BDKRB2: variants seen among roughly 807,000 people sequenced by gnomAD.
BDKRB2 encodes B2 bradykinin receptor.
In BDKRB2, 6 loss-of-function variants were observed where a neutral mutation model predicts 4.0. The ratio of observed to expected loss-of-function variants is 1.49; its 90% CI spans 0.81 to 2.93. BDKRB2 has a LOEUF of 2.93. Ranked by LOEUF, BDKRB2 falls within the 30% of genes most tolerant of loss-of-function variation. BDKRB2 has a pLI of 0.00. For missense variants in BDKRB2, 478 were observed against 520.1 expected, an observed-to-expected ratio of 0.92 and a Z score of 0.79; for synonymous variants, 225 against 215.3, an observed-to-expected ratio of 1.05 and a Z score of -0.40.
At chr14:96,226,850 T>C (rs1288636165) in intron 1 of BDKRB2, among the ~76,000 whole-genome samples, 1 of 152,216 alleles carries the variant, frequency 6.6e-6, no homozygotes, top group East Asian at 1.9e-4. Flanking sequence ...TCTGTAAGGT[T>C]AATTTGGCAA....
At position 96,240,471 on chromosome 14, in the gene BDKRB2, C is replaced by T. The variant is rs138633013; in HGVS notation, c.143C>T (p.Pro48Leu). The change falls in exon 3 of 3, where the codon CCC (proline) becomes CTC (leucine). Residue 48 changes from proline (P) to leucine (L), a missense_variant. Coordinates refer to ENST00000554311, the MANE Select transcript of BDKRB2 (RefSeq NM_001379692.1). ...GGGACCTTTGCCCAGAGCAAATGCC[C>T]CCAAGTGGAGTGGCTGGGCTGGCTC... ...LNGTFAQSKC[P>L]QVEWLGWLNT... is the part of the protein sequence containing the mutation. The T allele has an allele frequency of 6.6e-7, 1 of 1,522,524 alleles. No homozygotes were observed. The highest frequency in any genetic ancestry group is 1.4e-5 in the African/African-American group (1 of 72,064). The allele number at this position is 1,522,524 out of a possible 1,614,324, so 94.3% of individuals were successfully genotyped here. A position where few individuals can be genotyped will look rare whatever the true frequency, so the allele number is the denominator to read the frequency against.
At chr14:96,225,531 A>T (rs2139782939) in intron 1 of BDKRB2, among the ~76,000 whole-genome samples, 1 of 152,234 alleles carries the variant, frequency 6.6e-6, no homozygotes, top group Non-Finnish European at 1.5e-5. Context: ...AAATGAAGGA[A>T]GGAACGGATG....
chr14:96,209,782 G>A (rs1358000077), intron 1 of BDKRB2, among the ~76,000 whole-genome samples: 2 of 152,130 alleles, frequency 1.3e-5, no homozygotes, highest in African/African-American at 4.8e-5. Context: ...GATCACCTGA[G>A]GTCAAGAGTT....
At chr14:96,209,254 T>C (rs868143653) in intron 1 of BDKRB2, among the ~76,000 whole-genome samples, 2 of 152,206 alleles carry the variant, frequency 1.3e-5, no homozygotes, top group Non-Finnish European at 1.5e-5. Context: ...TAAACTTCAA[T>C]TGACATTTAT....
At chr14:96,223,133 C>A (rs1870703995) in intron 1 of BDKRB2, 1 of 1,278,792 alleles carries the variant, frequency 7.8e-7, no homozygotes, top group Non-Finnish European at 1.1e-6. Context: ...ATTCACTATT[C>A]GGACAGATAC....
Position 96,241,770 on chromosome 14 carries a change from C to T in BDKRB2, c.*266C>T, listed in dbSNP as rs144560680. 32 of 354,976 alleles carry T rather than the reference C, an allele frequency of 9.0e-5. No individual in the cohort carries two copies. The East Asian group carries it at 1.5e-3, about 17-fold the overall frequency. The allele number at this position is 354,976 out of a possible 1,614,324, so 22.0% of individuals were successfully genotyped here. On this transcript the variant is annotated 3_prime_UTR_variant, in exon 3 of 3. Coordinates refer to ENST00000554311, the MANE Select transcript of BDKRB2 (RefSeq NM_001379692.1). ...TTATTTGCTGCCACACCTGAGCCAGCCTGCTCCTTCCCAGGAGTGGAGGAG... is the reference window on the plus strand; with the variant it reads ...TTATTTGCTGCCACACCTGAGCCAGTCTGCTCCTTCCCAGGAGTGGAGGAG...
intron 1 of BDKRB2, among the ~76,000 whole-genome samples, chr14:96,214,074 C>G (rs951204288): frequency 1.3e-5 from 2 of 152,120 alleles, no homozygotes; most frequent in African/African-American, 4.8e-5. Context: ...TGGGCCTCCC[C>G]ATGGTGGGCG....
At chr14:96,229,328 T>A (rs538774534) in intron 1 of BDKRB2, among the ~76,000 whole-genome samples, 1 of 152,224 alleles carries the variant, frequency 6.6e-6, no homozygotes, top group East Asian at 1.9e-4. Flanking sequence ...AGAGATGTAT[T>A]GCAAGGAACT....
chr14:96,217,838 C>A lies in BDKRB2; in HGVS notation c.-40+12879C>A, dbSNP rs528690680. Among the ~76,000 whole-genome samples, 11 of 151,414 alleles carry A rather than the reference C, an allele frequency of 7.3e-5. No individual in the cohort carries two copies. In the South Asian group the frequency reaches 2.1e-3, roughly 29 times the overall value. On this transcript the variant is annotated intron_variant, in intron 1 of 2. Coordinates refer to ENST00000554311, the MANE Select transcript of BDKRB2 (RefSeq NM_001379692.1). Reference sequence around the variant, plus strand: ...AAAAATCAGGCAGCGATCCCTAAGTCCCTTCTGAGCCCCAGGCTCCAGACT... The same window carrying A: ...AAAAATCAGGCAGCGATCCCTAAGTACCTTCTGAGCCCCAGGCTCCAGACT...
At chr14:96,206,751 G>A (rs1355720734) in intron 1 of BDKRB2, among the ~76,000 whole-genome samples, 1 of 152,132 alleles carries the variant, frequency 6.6e-6, no homozygotes, top group Non-Finnish European at 1.5e-5. Context: ...GCCCACCTGG[G>A]CGCGGTGGGG....
intron 1 of BDKRB2, among the ~76,000 whole-genome samples, chr14:96,206,480 C>CTGCA (rs1203664458): frequency 2.6e-5 from 4 of 152,122 alleles, no homozygotes; most frequent in African/African-American, 9.7e-5. Flanking sequence ...ATGGTTGGGC[C>CTGCA]TGCATGATGG....
intron 1 of BDKRB2, among the ~76,000 whole-genome samples, chr14:96,225,894 G>A (rs369506202): frequency 7.9e-4 from 120 of 152,150 alleles, no homozygotes; most frequent in East Asian, 5.8e-3. Flanking sequence ...CAGAGACCCC[G>A]CCCACCACCC....
rs201574316 is a variant in BDKRB2 at position 96,242,125 on chromosome 14, G to A, written c.*621G>A. The A allele has an allele frequency of 6.6e-6, 1 of 152,302 alleles. No individual in the cohort carries two copies. Among genetic ancestry groups the A allele is most frequent in the Non-Finnish European group, 1.5e-5 (1 of 68,110 alleles). 9.4% of individuals were successfully genotyped at this position (152,302 alleles called of 1,614,324 possible). ...ATATTGAGCACTTGCTGTATATGCA[G>A]TATTGAGCACTGTAGGCAAGAGGGA... On this transcript the variant is annotated 3_prime_UTR_variant, in exon 3 of 3. Coordinates refer to ENST00000554311, the MANE Select transcript of BDKRB2 (RefSeq NM_001379692.1).
chr14:96,220,711 G>A (rs1039920329), intron 1 of BDKRB2, among the ~76,000 whole-genome samples: 5 of 150,348 alleles, frequency 3.3e-5, no homozygotes, highest in African/African-American at 1.2e-4. Context: ...CTGGTCTGGT[G>A]CCTCAGCCCC....
chr14:96,229,824 T>A (rs1377100437), intron 1 of BDKRB2, among the ~76,000 whole-genome samples: 3 of 152,054 alleles, frequency 2.0e-5, no homozygotes, highest in Non-Finnish European at 4.4e-5. Flanking sequence ...TAAATTAAAT[T>A]AAATTGAAAA....
At chr14:96,234,132 T>C (rs1337597813) in intron 1 of BDKRB2, 1 of 151,702 alleles carries the variant, frequency 6.6e-6, no homozygotes, top group Non-Finnish European at 1.5e-5. Flanking sequence ...AGGGTCTCAG[T>C]AAAAAAAAGA....
intron 2 of BDKRB2, chr14:96,237,602 G>A (rs1890966485): frequency 8.3e-7 from 1 of 1,204,984 alleles, no homozygotes; most frequent in Non-Finnish European, 1.1e-6. Flanking sequence ...AAGGGGAGGG[G>A]GAGGAGGACC....
chr14:96,238,272 C>A, intron 2 of BDKRB2: 1 of 424,244 alleles, frequency 2.4e-6, no homozygotes, highest in Non-Finnish European at 3.2e-6. Context: ...CACATGGCGG[C>A]TCACATCCTT....
At chr14:96,216,748 GA>G (rs34826082) in intron 1 of BDKRB2, among the ~76,000 whole-genome samples, 1 of 104,488 alleles carries the variant, frequency 9.6e-6, no homozygotes, top group African/African-American at 4.1e-5. Context: ...GGAGGAGGAG[GA>G]AGGAGGAGGA....
Sources: gnomAD v4.1 joint callset for allele counts (sites outside exome capture counted in the v4.1 genomes callset) on GRCh38, gnomAD v4.1.1 for gene constraint, MANE v1.5 for transcripts, NCBI Gene and HGNC (gene_info 2026-07-23, HGNC 2026-07-21) for gene names.